The following SLC9A7 variants were observed in gnomAD, a reference collection of about 807,000 sequenced individuals.
SLC9A7 encodes solute carrier family 9 member A7.
SLC9A7 carries 19 observed loss-of-function variants against 52.6 expected under a neutral mutation model. The ratio of observed to expected loss-of-function variants is 0.36; its 90% CI spans 0.25 to 0.53. The LOEUF (loss-of-function observed/expected upper bound fraction) is 0.53, where lower values mean the gene tolerates loss of function less well. SLC9A7 is among the 20% of genes least tolerant of loss of function. SLC9A7 has a pLI of 0.91. For synonymous variants in SLC9A7, 226 were observed against 252.1 expected (o/e 0.90, Z 0.98); for missense variants, 455 against 597.9 (o/e 0.76, Z 2.49).
chrX:46,725,772 C>A, intron 1 of SLC9A7: 5 of 925,970 alleles, frequency 5.4e-6, no homozygotes, highest in Non-Finnish European at 7.8e-6. Flanking sequence ...GTCAGTCAGG[C>A]TGGGCAGTGG....
At chrX:46,755,169 A>C (rs1922547373) in intron 1 of SLC9A7, among the ~76,000 whole-genome samples, 1 of 112,079 alleles carries the variant, frequency 8.9e-6, no homozygotes, top group African/African-American at 3.2e-5. Context: ...TTTAAACGTT[A>C]AGCATTCACA....
At chrX:46,705,471 G>A (rs1380751336) in intron 1 of SLC9A7, among the ~76,000 whole-genome samples, 1 of 112,324 alleles carries the variant, frequency 8.9e-6, no homozygotes, top group Non-Finnish European at 1.9e-5. Flanking sequence ...TCTTGGCTGG[G>A]TGTGGTGGCT....
intron 5 of SLC9A7, among the ~76,000 whole-genome samples, chrX:46,665,557 C>CAAAAAAA (rs754854403): frequency 9.2e-5 from 2 of 21,752 alleles, no homozygotes; most frequent in Non-Finnish European, 1.9e-4. Flanking sequence ...GACTCCATCT[C>CAAAAAAA]AAAAAAAAAA....
intron 1 of SLC9A7, among the ~76,000 whole-genome samples, chrX:46,726,818 G>A (rs904701484): frequency 9.0e-6 from 1 of 111,518 alleles, no homozygotes; most frequent in Non-Finnish European, 1.9e-5. Flanking sequence ...CACAGGTCAC[G>A]TATGACTGCC....
At chrX:46,646,549 G>C (rs915117529) in intron 11 of SLC9A7, 5 of 194,356 alleles carry the variant, frequency 2.6e-5, no homozygotes, top group Admixed American at 2.4e-4. Flanking sequence ...AGGAAGGGAC[G>C]GGCAGGGAAG....
chrX:46,609,883 C>G (rs962544640), intron 16 of SLC9A7, among the ~76,000 whole-genome samples: 4 of 110,489 alleles, frequency 3.6e-5, no homozygotes, highest in African/African-American at 1.3e-4. Context: ...CAAAAATTAG[C>G]CAGGCATAGT....
At chrX:46,679,837 A>G (rs1290811841) in intron 2 of SLC9A7, 82 bp from the exon 3 acceptor site, 3 of 603,603 alleles carry the variant, frequency 5.0e-6, no homozygotes, top group Non-Finnish European at 7.8e-6. Flanking sequence ...ATTTGAAGCC[A>G]TTGACTAAAG....
chrX:46,651,292 G>A (rs758150189), intron 9 of SLC9A7, 24 bp downstream of exon 9: 7 of 1,192,912 alleles, frequency 5.9e-6, no homozygotes, highest in African/African-American at 1.8e-5. Flanking sequence ...CAAGCAACTC[G>A]TGAGTACCAA....
At chrX:46,632,186 A>C (rs1489107140) in intron 13 of SLC9A7, among the ~76,000 whole-genome samples, 1 of 111,867 alleles carries the variant, frequency 8.9e-6, no homozygotes, top group Non-Finnish European at 1.9e-5. Flanking sequence ...CACCCATCTT[A>C]CTTTTTCTTT....
At chrX:46,736,525 C>T (rs969199456) in intron 1 of SLC9A7, among the ~76,000 whole-genome samples, 2 of 111,616 alleles carry the variant, frequency 1.8e-5, no homozygotes, top group South Asian at 7.6e-4. Flanking sequence ...CAAAATGGTA[C>T]TGAGGTAAAT....
At chrX:46,753,727 T>C (rs782728701) in intron 1 of SLC9A7, among the ~76,000 whole-genome samples, 2 of 111,824 alleles carry the variant, frequency 1.8e-5, no homozygotes, top group South Asian at 3.7e-4. Flanking sequence ...CTCATGCCTG[T>C]AATCCCAGCA....
rs750488234 is a variant in SLC9A7 at position 46,653,697 on chromosome X, T to C, written c.1059A>G (p.Lys353=). 5.0e-6 allele frequency: 6 copies of C among 1,206,463 alleles called. No homozygotes were observed. The highest frequency in any genetic ancestry group is 2.2e-5 in the Admixed American group (1 of 45,617). Reference sequence around the variant, plus strand: ...TCTCCAGCAGGGGGAAGCAGTGCAGTTTGGTAAACTTAGTCACGTTGGCAT... The same window carrying C: ...TCTCCAGCAGGGGGAAGCAGTGCAGCTTGGTAAACTTAGTCACGTTGGCAT... ...VVTALVTKFT[K]LHCFPLLETA... The change falls in exon 8 of 17, where the codon AAA becomes AAG. Residue 353 remains lysine, a synonymous_variant. Coordinates refer to ENST00000616978, the MANE Select transcript of SLC9A7 (RefSeq NM_001257291.2).
Position 46,672,500 on chromosome X carries a change from C to T in SLC9A7, c.680+51G>A, listed in dbSNP as rs754180855. ...GGACTCTGTGGACCCAAATGGATCT[C>T]ATCCCTATGGAACGTGTGTTAATTT... On this transcript the variant is annotated intron_variant, in intron 4 of 16. Coordinates refer to ENST00000616978, the MANE Select transcript of SLC9A7 (RefSeq NM_001257291.2). 7.2e-6 allele frequency: 7 copies of T among 966,034 alleles called. No individual in the cohort carries two copies. The South Asian group carries it at 1.4e-4, about 20-fold the overall frequency. 79.6% of individuals were successfully genotyped at this position (966,034 alleles called of 1,213,427 possible). A position where few individuals can be genotyped will look rare whatever the true frequency, so the allele number is the denominator to read the frequency against.
intron 5 of SLC9A7, among the ~76,000 whole-genome samples, chrX:46,669,184 G>A: frequency 9.5e-6 from 1 of 105,456 alleles, no homozygotes. Context: ...AAAAAAAAAG[G>A]AATTGTTAAG....
chrX:46,748,500 G>GCATTATTCAA lies in SLC9A7; in HGVS notation c.325+10204_325+10205insTTGAATAATG, dbSNP rs1273169606. On this transcript the variant is annotated intron_variant, in intron 1 of 16. Coordinates refer to ENST00000616978, the MANE Select transcript of SLC9A7 (RefSeq NM_001257291.2). ...TCATAGTAGCATTATTCAAAAGGTGGAAATAACCCGAGTGTCCACCAACTG... is the reference window on the plus strand; with the variant it reads ...TCATAGTAGCATTATTCAAAAGGTGGCATTATTCAAAAATAACCCGAGTGTCCACCAACTG... 2.4e-3 allele frequency among the ~76,000 whole-genome samples: 253 copies of GCATTATTCAA among 106,121 alleles called. 1 individual carries two copies. The highest frequency in any genetic ancestry group is 8.8e-3 in the Admixed American group (87 of 9,834). 92.2% of individuals were successfully genotyped at this position (106,121 alleles called of 115,157 possible).
At chrX:46,651,430 A>AG in intron 8 of SLC9A7, 26 bp from the exon 9 acceptor site, 1 of 1,136,674 alleles carries the variant, frequency 8.8e-7, no homozygotes, top group Non-Finnish European at 1.2e-6. Context: ...CCCAAAAAAA[A>AG]TCAATGGAAA....
intron 10 of SLC9A7, among the ~76,000 whole-genome samples, chrX:46,649,095 T>TATCTATCTATCTATCTATCC (rs1432838557): frequency 1.3e-4 from 15 of 111,633 alleles, no homozygotes; most frequent in African/African-American, 4.9e-4. Context: ...TCTATCTATC[T>TATCTATCTATCTATCTATCC]ATCCATCTAT....
intron 1 of SLC9A7, among the ~76,000 whole-genome samples, chrX:46,687,179 A>C (rs1344655696): frequency 8.9e-6 from 1 of 112,144 alleles, no homozygotes; most frequent in Non-Finnish European, 1.9e-5. Flanking sequence ...AATTCTAGAC[A>C]GCCATCCATC....
intron 7 of SLC9A7, among the ~76,000 whole-genome samples, chrX:46,655,859 T>C (rs1201777418): frequency 3.6e-5 from 4 of 112,626 alleles, no homozygotes; most frequent in Non-Finnish European, 5.6e-5. Flanking sequence ...TCGAACTGGG[T>C]GGAGCCCACC....
Sources: allele counts gnomAD v4.1 joint callset (sites outside exome capture counted in the v4.1 genomes callset), GRCh38; gene constraint gnomAD v4.1.1; transcripts MANE v1.5; gene names NCBI Gene and HGNC (gene_info 2026-07-23, HGNC 2026-07-21).